EPG5: variants seen among roughly 807,000 people sequenced by gnomAD.
EPG5 encodes ectopic P-granules 5 autophagy tethering factor.
Under a neutral mutation model 302.7 loss-of-function variants are expected in EPG5, and 159 were observed. The observed-to-expected ratio is 0.53, with a 90% CI of 0.46 to 0.60. The LOEUF (loss-of-function observed/expected upper bound fraction) is 0.60. Ranked by LOEUF, EPG5 falls within the 20% of genes least tolerant of loss-of-function variation. EPG5 has a pLI of 0.00. For missense variants in EPG5, 2,896 were observed against 3,092.4 expected (o/e 0.94, Z 1.51); for synonymous variants, 1,158 against 1,136.8 (o/e 1.02, Z -0.37).
chr18:45,906,679 G>T (rs1413881661), intron 24 of EPG5, among the ~76,000 whole-genome samples: 2 of 150,344 alleles, frequency 1.3e-5, no homozygotes, highest in African/African-American at 2.5e-5. Flanking sequence ...TTAAGACAGG[G>T]TCTCTCTCTC....
At chr18:45,839,797 A>C in the EPG5 span, among the ~76,000 whole-genome samples, 1 of 152,236 alleles carries the variant, frequency 6.6e-6, no homozygotes, top group Non-Finnish European at 1.5e-5. Flanking sequence ...GATCTGGATC[A>C]GAAATCTGCC....
rs1444098801 is a variant in EPG5, at chr18:45,925,755, A to G, written c.2701T>C (p.Trp901Arg). 3 of 1,554,526 alleles carry G rather than the reference A, an allele frequency of 1.9e-6. No homozygotes were observed. Among genetic ancestry groups the G allele is most frequent in the South Asian group, 1.2e-5 (1 of 80,264 alleles). ...ACACATACCTGTTTAGCAAATCCCC[A>G]ATTCAGTCCTTCAAGAATAACACAG... Reference protein sequence around the residue: ...LACVILEGLNWGFAKQATLHL... With the variant: ...LACVILEGLNRGFAKQATLHL... The change falls in exon 14 of 44, where the codon TGG (tryptophan) becomes CGG (arginine). Residue 901 changes from tryptophan (W) to arginine (R), a missense_variant. This residue lies in a region of EPG5 where 1,390 missense variants were observed against 1,430.0 expected (regional missense o/e 0.97). Coordinates refer to ENST00000282041, the MANE Select transcript of EPG5 (RefSeq NM_020964.3).
the EPG5 span, among the ~76,000 whole-genome samples, chr18:45,830,575 TTTTC>T: frequency 7.8e-6 from 1 of 127,440 alleles, no homozygotes; most frequent in Non-Finnish European, 1.6e-5. Flanking sequence ...AGCTAGATAT[TTTTC>T]TTTCTTTTTT....
intron 35 of EPG5, among the ~76,000 whole-genome samples, chr18:45,872,093 G>A (rs1250773203): frequency 1.3e-5 from 2 of 152,126 alleles, no homozygotes; most frequent in South Asian, 4.2e-4. Flanking sequence ...TTTTAGAAAC[G>A]GTGGAAATGT....
Position 45,847,651 on chromosome 18 carries a change from AC to A in EPG5, c.*4815del, listed in dbSNP as rs1336386279. 1.3e-5 allele frequency: 2 copies of A among 152,630 alleles called. No homozygotes were observed. Among genetic ancestry groups the A allele is most frequent in the African/African-American group, 4.8e-5 (2 of 41,458 alleles). 9.5% of individuals were successfully genotyped at this position (152,630 alleles called of 1,614,324 possible). A position where few individuals can be genotyped will look rare whatever the true frequency, so the allele number is the denominator to read the frequency against. On this transcript the variant is annotated 3_prime_UTR_variant, in exon 44 of 44. Transcript: ENST00000282041. Reference sequence around the variant, plus strand: ...TAGTTTATTTGCAGAATTTTACTTAACCAGTTGTCATTTCTTCCTGTTTCTC... The same window carrying A: ...TAGTTTATTTGCAGAATTTTACTTAACAGTTGTCATTTCTTCCTGTTTCTC...
At chr18:45,876,146 TA>T (rs926761999) in intron 35 of EPG5, 89 bp downstream of exon 35, 1 of 843,778 alleles carries the variant, frequency 1.2e-6, no homozygotes. Context: ...GCCTATTAAA[TA>T]AAAATTAAAT....
chr18:45,857,975 T>A lies in EPG5; in HGVS notation c.7320A>T (p.Thr2440=). 1.2e-6 allele frequency: 2 copies of A among 1,613,724 alleles called. No homozygotes were observed. The highest frequency in any genetic ancestry group is 1.7e-6 in the Non-Finnish European group (2 of 1,180,024). ...AGAGCAGAATTCGAATGACAGATTC[T>A]GTCAGGACGGAGTCATTCTGCTCTG... ...IQTEQNDSVL[T]ESVIRILLLV... Residue 2440 remains threonine (T), a synonymous_variant, in exon 42 of 44, where the codon ACA becomes ACT. Transcript: ENST00000282041.
rs558852298 is a variant in EPG5 at position 45,876,714 on chromosome 18, TA to T, written c.5943-373del. ...CAACAGTTTTCTCTACTCAAAGCATTAAAAAAAAAAAATCAAATTCACATAA... is the reference window on the plus strand; with the variant it reads ...CAACAGTTTTCTCTACTCAAAGCATTAAAAAAAAAAATCAAATTCACATAA... On this transcript the variant is annotated intron_variant, in intron 34 of 43. Coordinates refer to ENST00000282041, the MANE Select transcript of EPG5 (RefSeq NM_020964.3). Among the ~76,000 whole-genome samples the T allele has an allele frequency of 4.3e-4, 61 of 143,426 alleles. 1 individual carries two copies. Among genetic ancestry groups the T allele is most frequent in the Admixed American group, 6.9e-4 (10 of 14,394 alleles). 94.1% of individuals were successfully genotyped at this position (143,426 alleles called of 152,430 possible). A position where few individuals can be genotyped will look rare whatever the true frequency, so the allele number is the denominator to read the frequency against.
In EPG5 at chr18:45,884,722, G is replaced by A; in HGVS notation, c.5199C>T (p.Phe1733=). 1 of 1,611,720 alleles carries A rather than the reference G, an allele frequency of 6.2e-7. No individual in the cohort carries two copies. Among genetic ancestry groups the A allele is most frequent in the Admixed American group, 1.7e-5 (1 of 59,554 alleles). ...CTGCAGGTGCAGCATTGGGAGTGAA[G>A]AAAGGAGACAGCAGGGAGCAGAGCC... is the stretch of plus-strand genomic sequence containing the variant. ...NSRLCSLLSP[F]FTPNAAPAEF... is the part of the protein sequence containing the mutation. Residue 1733 remains phenylalanine (F), a synonymous_variant, in exon 30 of 44, where the codon TTC becomes TTT. Transcript: ENST00000282041.
chr18:45,828,968 C>T, the EPG5 span: 1 of 386,898 alleles, frequency 2.6e-6, no homozygotes, highest in Non-Finnish European at 3.5e-6. Flanking sequence ...ACTTCTCTCC[C>T]AGTGGCTGTT....
chr18:45,842,789 CAG>C (rs1198517521), downstream of EPG5: 3 of 153,418 alleles, frequency 2.0e-5, no homozygotes, highest in Admixed American at 6.5e-5. Flanking sequence ...ACCCTCTTTG[CAG>C]AGTGACCTTT....
At chr18:45,902,757 C>T (rs1018660386) in intron 25 of EPG5, among the ~76,000 whole-genome samples, 1 of 152,170 alleles carries the variant, frequency 6.6e-6, no homozygotes, top group Non-Finnish European at 1.5e-5. Flanking sequence ...TACAAGGTAT[C>T]ACCAGACACA....
rs2049112536 is a variant in EPG5 at position 45,882,236 on chromosome 18, T to C, written c.5518+38A>G. On this transcript the variant is annotated intron_variant, in intron 31 of 43. Coordinates refer to ENST00000282041, the MANE Select transcript of EPG5 (RefSeq NM_020964.3). ...GAAAAATGTGATATTAAATATTCAC[T>C]AAGATCTAGTTAGTTACAATTAAAT... The C allele has an allele frequency of 3.4e-6, 5 of 1,481,220 alleles. No homozygotes were observed. In the East Asian group the frequency reaches 1.1e-4, roughly 34 times the overall value. 91.8% of individuals were successfully genotyped at this position (1,481,220 alleles called of 1,614,324 possible).
At position 45,851,566 on chromosome 18, in the gene EPG5, A is replaced by T. The variant is rs551328591; in HGVS notation, c.*901T>A. Reference sequence around the variant, plus strand: ...GAGAATCAGGTCTTCAGTCTCCCTCAGTCTCTGTCTCCTGACACTGAGCCT... The same window carrying T: ...GAGAATCAGGTCTTCAGTCTCCCTCTGTCTCTGTCTCCTGACACTGAGCCT... On this transcript the variant is annotated 3_prime_UTR_variant, in exon 44 of 44. Coordinates refer to ENST00000282041, the MANE Select transcript of EPG5 (RefSeq NM_020964.3). The T allele has an allele frequency of 1.3e-5, 2 of 152,342 alleles. No homozygotes were observed. The highest frequency in any genetic ancestry group is 6.5e-5 in the Admixed American group (1 of 15,308). 9.4% of individuals were successfully genotyped at this position (152,342 alleles called of 1,614,324 possible).
At chr18:45,925,970 ATAT>A in intron 13 of EPG5, 68 bp from the exon 14 acceptor site, 1 of 1,004,464 alleles carries the variant, frequency 1.0e-6, no homozygotes, top group South Asian at 4.5e-5. Flanking sequence ...CTACAATATT[ATAT>A]TATTAAACTG....
At chr18:45,891,178 GT>G (rs1342793864) in intron 27 of EPG5, among the ~76,000 whole-genome samples, 13 of 152,232 alleles carry the variant, frequency 8.5e-5, no homozygotes, top group African/African-American at 3.1e-4. Context: ...GAGGCCCAGG[GT>G]TATTATCATA....
At chr18:45,865,096 T>C (rs967634312) in intron 39 of EPG5, among the ~76,000 whole-genome samples, 16 of 152,226 alleles carry the variant, frequency 1.1e-4, no homozygotes, top group Non-Finnish European at 1.8e-4. Flanking sequence ...CCTACCTTTA[T>C]GGGTTTCTCC....
At chr18:45,838,248 C>T in the EPG5 span, among the ~76,000 whole-genome samples, 1 of 152,168 alleles carries the variant, frequency 6.6e-6, no homozygotes, top group East Asian at 1.9e-4. Flanking sequence ...GTGCTACCAG[C>T]CCGGAAAGAC....
At chr18:45,909,372 T>C (rs941944591) in intron 23 of EPG5, among the ~76,000 whole-genome samples, 4 of 152,228 alleles carry the variant, frequency 2.6e-5, no homozygotes, top group African/African-American at 9.6e-5. Context: ...TAAGGCTGGT[T>C]AAAAATAAGT....
Sources: allele counts gnomAD v4.1 joint callset (sites outside exome capture counted in the v4.1 genomes callset), GRCh38; gene constraint gnomAD v4.1.1; regional missense constraint gnomAD v4.1.1; transcripts MANE v1.5; gene names NCBI Gene and HGNC (gene_info 2026-07-23, HGNC 2026-07-21).